Variants in RIMS1 observed in about 807,000 individuals in gnomAD.
The protein encoded by RIMS1 is regulating synaptic membrane exocytosis protein 1.
Under a neutral mutation model 214.1 loss-of-function variants are expected in RIMS1, and 83 were observed. The observed-to-expected ratio is 0.39, with a 90% CI of 0.32 to 0.47. The LOEUF is 0.47. RIMS1 is among the 20% of genes least tolerant of loss of function. The pLI is 0.99. For missense variants in RIMS1, 2,050 were observed against 2,161.8 expected (o/e 0.95, Z 1.03); for synonymous variants, 793 against 786.8 (o/e 1.01, Z -0.13).
In RIMS1 at chr6:72,357,765, C is replaced by T. The variant is rs1185528074; in HGVS notation, c.4366+23930C>T. Among the ~76,000 whole-genome samples, 3 of 152,168 alleles carry T rather than the reference C, an allele frequency of 2.0e-5. No homozygotes were observed. In the East Asian group the frequency reaches 5.8e-4, roughly 29 times the overall value. Reference sequence around the variant, plus strand: ...ATTTAGCACTTCTGTAAGCTTGGAACCAAACTTGCTCATAACCGTATCTCA... The same window carrying T: ...ATTTAGCACTTCTGTAAGCTTGGAATCAAACTTGCTCATAACCGTATCTCA... On this transcript the variant is annotated intron_variant, in intron 29 of 33. Coordinates refer to ENST00000521978, the MANE Select transcript of RIMS1 (RefSeq NM_014989.7).
intron 2 of RIMS1, among the ~76,000 whole-genome samples, chr6:72,042,017 C>T (rs1049331227): frequency 6.6e-6 from 1 of 152,020 alleles, no homozygotes; most frequent in South Asian, 2.1e-4. Flanking sequence ...ATTTTATTTA[C>T]ATTTGTATCT....
chr6:72,297,367 T>C (rs1186617078), intron 26 of RIMS1, among the ~76,000 whole-genome samples: 1 of 151,982 alleles, frequency 6.6e-6, no homozygotes, highest in South Asian at 2.1e-4. Flanking sequence ...ATTAGATTCA[T>C]ATTAGAAATG....
intron 2 of RIMS1, among the ~76,000 whole-genome samples, chr6:72,044,972 T>A (rs1233321743): frequency 6.6e-6 from 1 of 151,862 alleles, no homozygotes; most frequent in African/African-American, 2.4e-5. Flanking sequence ...GGCTGGTGAA[T>A]GAATAAACAA....
At chr6:72,148,597 G>A (rs139983866) in intron 4 of RIMS1, 13 of 456,776 alleles carry the variant, frequency 2.8e-5, no homozygotes, top group East Asian at 1.4e-4. Flanking sequence ...CCATGGATAC[G>A]AGCATGACCT....
chr6:71,940,291 G>A (rs1040884990), intron 1 of RIMS1, among the ~76,000 whole-genome samples: 1 of 152,108 alleles, frequency 6.6e-6, no homozygotes, highest in Non-Finnish European at 1.5e-5. Flanking sequence ...ACTATCAGCT[G>A]GCAGAATTTT....
intron 29 of RIMS1, among the ~76,000 whole-genome samples, chr6:72,350,837 A>G (rs2097423048): frequency 1.3e-5 from 2 of 152,166 alleles, no homozygotes; most frequent in Admixed American, 1.3e-4. Flanking sequence ...TCACCAGCTC[A>G]GAGTGCAAAA....
chr6:72,211,432 G>A lies in RIMS1; in HGVS notation c.1679-22341G>A, dbSNP rs1399320605. On this transcript the variant is annotated intron_variant, in intron 6 of 33. Coordinates refer to ENST00000521978, the MANE Select transcript of RIMS1 (RefSeq NM_014989.7). ...GATTAGCATATTTGTCTATATGGAA[G>A]TTTACATTTTTTACAAGATATAATT... Among the ~76,000 whole-genome samples the A allele has an allele frequency of 2.0e-5, 3 of 152,122 alleles. No individual in the cohort carries two copies. The East Asian group carries it at 5.8e-4, about 29-fold the overall frequency.
At chr6:72,392,579 CAG>C (rs1023382160) in intron 30 of RIMS1, 117 bp from the exon 31 acceptor site, 28 of 766,388 alleles carry the variant, frequency 3.7e-5, no homozygotes, top group Non-Finnish European at 6.1e-5. Context: ...ATTAAAAAAA[CAG>C]ATTGTCTAAG....
Position 72,160,238 on chromosome 6 carries a change from A to G in RIMS1, c.472-19337A>G, listed in dbSNP as rs2045154147. Among the ~76,000 whole-genome samples, 18 of 26,392 alleles carry G rather than the reference A, an allele frequency of 6.8e-4. 3 individuals carry two copies. The South Asian group carries it at 0.034, about 50-fold the overall frequency. The allele number at this position is 26,392 out of a possible 152,430, so 17.3% of individuals were successfully genotyped here. A position where few individuals can be genotyped will look rare whatever the true frequency, so the allele number is the denominator to read the frequency against. ...TGTGATTTTTGCAAATTGATTTTGT[A>G]TCCTGAGACTGCTGAAGTTGCCTAT... On this transcript the variant is annotated intron_variant, in intron 4 of 33. Coordinates refer to ENST00000521978, the MANE Select transcript of RIMS1 (RefSeq NM_014989.7).
intron 6 of RIMS1, among the ~76,000 whole-genome samples, chr6:72,218,491 T>C (rs1195100525): frequency 6.6e-6 from 1 of 152,190 alleles, no homozygotes; most frequent in Non-Finnish European, 1.5e-5. Context: ...CTGGCAAAAA[T>C]ATGAATCAGA....
intron 2 of RIMS1, among the ~76,000 whole-genome samples, chr6:72,008,029 A>T: frequency 6.6e-6 from 1 of 152,164 alleles, no homozygotes; most frequent in Non-Finnish European, 1.5e-5. Context: ...TGTCAGATTC[A>T]CCAAAGTTGA....
At chr6:72,062,502 C>T (rs757446308) in intron 2 of RIMS1, among the ~76,000 whole-genome samples, 62 of 152,156 alleles carry the variant, frequency 4.1e-4, no homozygotes, top group Non-Finnish European at 5.4e-4. Flanking sequence ...ATCTCAAAAC[C>T]TAATTGGAAA....
chr6:71,928,970 T>C (rs1319094608), intron 1 of RIMS1, among the ~76,000 whole-genome samples: 1 of 152,154 alleles, frequency 6.6e-6, no homozygotes, highest in Non-Finnish European at 1.5e-5. Flanking sequence ...ATCAGGAATT[T>C]ACTATATGTC....
At chr6:72,135,225 CAT>C (rs1271152341) in intron 4 of RIMS1, among the ~76,000 whole-genome samples, 3 of 152,106 alleles carry the variant, frequency 2.0e-5, no homozygotes, top group Admixed American at 1.3e-4. Context: ...AAGCAAACCA[CAT>C]GTCAGCTCAA....
intron 9 of RIMS1, 113 bp from the exon 10 acceptor site, chr6:72,242,201 A>G: frequency 1.2e-6 from 1 of 817,450 alleles, no homozygotes; most frequent in Non-Finnish European, 1.9e-6. Context: ...AGCAGAGCCT[A>G]GACAATTAAA....
chr6:72,045,493 T>A (rs2152109038), intron 2 of RIMS1, among the ~76,000 whole-genome samples: 1 of 152,150 alleles, frequency 6.6e-6, no homozygotes, highest in African/African-American at 2.4e-5. Context: ...TATTCTAAGT[T>A]ATTTAAAATG....
chr6:71,940,401 A>G (rs181481329), intron 1 of RIMS1, among the ~76,000 whole-genome samples: 4 of 152,320 alleles, frequency 2.6e-5, no homozygotes, highest in East Asian at 1.9e-4. Flanking sequence ...GGATATTACT[A>G]TATCAATATG....
intron 6 of RIMS1, among the ~76,000 whole-genome samples, chr6:72,205,358 A>T (rs753077425): frequency 1.3e-5 from 2 of 152,202 alleles, no homozygotes; most frequent in Admixed American, 1.3e-4. Flanking sequence ...AAGTGATCAG[A>T]AGGGAAATTT....
Position 72,398,459 on chromosome 6 carries a change from G to C in RIMS1, c.4720+109G>C. 3.2e-6 allele frequency: 2 copies of C among 633,340 alleles called. 1 individual carries two copies. The highest frequency in any genetic ancestry group is 5.4e-5 in the South Asian group (2 of 37,302). 39.2% of individuals were successfully genotyped at this position (633,340 alleles called of 1,614,324 possible). A position where few individuals can be genotyped will look rare whatever the true frequency, so the allele number is the denominator to read the frequency against. Reference sequence around the variant, plus strand: ...ATGCTCTGTTTTGCATCATCTGATTGATTAAAAAAGCAGTGTTTCTGTGTT... The same window carrying C: ...ATGCTCTGTTTTGCATCATCTGATTCATTAAAAAAGCAGTGTTTCTGTGTT... On this transcript the variant is annotated intron_variant, in intron 32 of 33. Transcript: ENST00000521978.
Sources: gnomAD v4.1 joint callset for allele counts (sites outside exome capture counted in the v4.1 genomes callset) on GRCh38, gnomAD v4.1.1 for gene constraint, MANE v1.5 for transcripts, NCBI Gene and HGNC (gene_info 2026-07-23, HGNC 2026-07-21) for gene names.